HTT: variants seen among roughly 807,000 people sequenced by gnomAD.
The protein encoded by HTT is huntington disease protein.
In HTT, 104 loss-of-function variants were observed where a neutral mutation model predicts 362.3. That is an observed-to-expected ratio of 0.29 (90% CI 0.24 to 0.34). The LOEUF is 0.34. Among genes scored for constraint, HTT ranks in the 10% least tolerant of loss-of-function variants. The pLI, the probability that HTT is intolerant of heterozygous loss-of-function variation, is 1.00. For missense variants in HTT, 3,301 were observed against 3,928.6 expected (o/e 0.84, Z 4.27); for synonymous variants, 1,577 against 1,548.7 (o/e 1.02, Z -0.43).
rs143007582 is a variant in HTT, at chr4:3,155,768, C to T, written c.3626-1304C>T. ...AAAAAAAAAGCCGGGCATGGTGGCT[C>T]GCGCCAGTCGTCCCAGCTACTTGGG... is the stretch of plus-strand genomic sequence containing the variant. On this transcript the variant is annotated intron_variant, in intron 27 of 66. Coordinates refer to ENST00000355072, the MANE Select transcript of HTT (RefSeq NM_001388492.1). Among the ~76,000 whole-genome samples, 237 of 147,108 alleles carry T rather than the reference C, an allele frequency of 1.6e-3. 2 individuals carry two copies. The highest frequency in any genetic ancestry group is 3.0e-3 in the Admixed American group (45 of 14,832).
In HTT at chr4:3,233,079, A is replaced by T; in HGVS notation, c.8266-84A>T. The T allele has an allele frequency of 5.2e-6, 6 of 1,163,376 alleles. No individual in the cohort carries two copies. The South Asian group carries it at 8.4e-5, about 16-fold the overall frequency. 72.1% of individuals were successfully genotyped at this position (1,163,376 alleles called of 1,614,324 possible). ...CTCTTCTGCACACAAGCGTGAGGGC[A>T]GCGCCCCCGCCTCGGCTGTGGGGAG... On this transcript the variant is annotated intron_variant, in intron 60 of 66. Transcript: ENST00000355072.
chr4:3,212,186 G>T, intron 48 of HTT, 44 bp downstream of exon 48: 2 of 1,431,984 alleles, frequency 1.4e-6, no homozygotes, highest in South Asian at 1.2e-5. Context: ...AAGCATTCCA[G>T]GGCCAGTATA....
chr4:3,111,081 G>A (rs1411643029), intron 6 of HTT, among the ~76,000 whole-genome samples: 3 of 152,030 alleles, frequency 2.0e-5, no homozygotes, highest in Non-Finnish European at 2.9e-5. Context: ...GCAGTGGTGC[G>A]ATCATAGCTC....
At chr4:3,115,595 C>T (rs994885788) in intron 7 of HTT, 150 bp downstream of exon 7, 7 of 652,146 alleles carry the variant, frequency 1.1e-5, no homozygotes, top group Non-Finnish European at 1.8e-5. Context: ...CTGCTGTGAG[C>T]CCGCATGGGT....
Position 3,146,868 on chromosome 4 carries a change from C to A in HTT, c.3215C>A (p.Thr1072Asn). 6.2e-7 allele frequency: 1 copy of A among 1,614,104 alleles called. No individual in the cohort carries two copies. ...CTVGMATMILTLLSSAWFPLD... is the reference protein window; with the variant it reads ...CTVGMATMILNLLSSAWFPLD... ...GTTGGGATGGCCACAATGATTCTGA[C>A]CCTGCTCTCGTCAGCTTGGTTCCCA... Residue 1072 changes from threonine to asparagine, a missense_variant, in exon 25 of 67, where the codon ACC (threonine) becomes AAC (asparagine). Physicochemically the swap from Thr to Asn is moderately conservative, Grantham distance 65. This residue lies in a region of HTT where 2,316 missense variants were observed against 2,658.5 expected (regional missense o/e 0.87). Coordinates refer to ENST00000355072, the MANE Select transcript of HTT (RefSeq NM_001388492.1).
chr4:3,186,463 A>T, intron 37 of HTT, 134 bp from the exon 38 acceptor site: 1 of 964,812 alleles, frequency 1.0e-6, no homozygotes, highest in Non-Finnish European at 1.6e-6. Flanking sequence ...CACTGAACTT[A>T]AAATGCTTTT....
rs573478599 is a variant in HTT at position 3,229,991 on chromosome 4, C to T, written c.8214C>T (p.Leu2738=). Residue 2738 remains leucine (L), a synonymous_variant, in exon 60 of 67, where the codon CTC becomes CTT. Transcript: ENST00000355072. ...RRVHPSEDEI[L]AQYLVPATCK... ...TGCACCCTTCAGAAGACGAGATCCTCGCTCAGTACCTGGTGCCTGCCACCT... is the reference window on the plus strand; with the variant it reads ...TGCACCCTTCAGAAGACGAGATCCTTGCTCAGTACCTGGTGCCTGCCACCT... 3.1e-6 allele frequency: 5 copies of T among 1,614,016 alleles called. No homozygotes were observed. The highest frequency in any genetic ancestry group is 1.7e-5 in the Admixed American group (1 of 60,026).
intron 23 of HTT, among the ~76,000 whole-genome samples, chr4:3,143,855 G>A (rs1157449375): frequency 2.0e-5 from 3 of 151,916 alleles, no homozygotes; most frequent in Non-Finnish European, 4.4e-5. Context: ...CGCCCTCCTC[G>A]ACCCCCCAAA....
At chr4:3,129,678 C>T in intron 12 of HTT, 1 of 360,258 alleles carries the variant, frequency 2.8e-6, no homozygotes, top group East Asian at 4.7e-5. Flanking sequence ...AAGAAATGTC[C>T]ACATTGGAAT....
chr4:3,233,908 G>A (rs147422679), intron 61 of HTT, among the ~76,000 whole-genome samples: 56 of 152,292 alleles, frequency 3.7e-4, no homozygotes, highest in Middle Eastern at 3.4e-3. Context: ...TGGTCTCACC[G>A]CCACTCTTCC....
intron 59 of HTT, 143 bp downstream of exon 59, chr4:3,229,152 G>T (rs993721389): frequency 1.1e-5 from 8 of 745,982 alleles, no homozygotes; most frequent in Admixed American, 2.6e-5. Context: ...CAGGCCACAC[G>T]CACCATAGAC....
chr4:3,107,707 ACT>A (rs1201529525), intron 6 of HTT, among the ~76,000 whole-genome samples: 3 of 151,914 alleles, frequency 2.0e-5, no homozygotes, highest in Admixed American at 2.0e-4. Context: ...TACTAGAGTG[ACT>A]CTTTAACCTA....
intron 31 of HTT, 147 bp from the exon 32 acceptor site, chr4:3,174,574 C>A: frequency 1.6e-6 from 1 of 612,694 alleles, no homozygotes; most frequent in East Asian, 3.0e-5. Context: ...TGCTGCCACA[C>A]TGAGTGGCCT....
chr4:3,101,892 G>A (rs2110158055), intron 3 of HTT, among the ~76,000 whole-genome samples: 2 of 152,344 alleles, frequency 1.3e-5, no homozygotes, highest in South Asian at 4.1e-4. Context: ...CAGCCAGTAG[G>A]TGAAAGAGTA....
intron 8 of HTT, among the ~76,000 whole-genome samples, chr4:3,117,779 TC>T (rs1228430744): frequency 6.6e-6 from 1 of 152,102 alleles, no homozygotes; most frequent in Non-Finnish European, 1.5e-5. Context: ...GCTGCAGTGA[TC>T]CATGATTGTA....
Position 3,228,941 on chromosome 4 carries a change from C to T in HTT, c.8041C>T (p.Arg2681Cys), listed in dbSNP as rs547238016. 2.2e-5 allele frequency: 35 copies of T among 1,613,712 alleles called. No homozygotes were observed. Among genetic ancestry groups the T allele is most frequent in the East Asian group, 2.0e-4 (9 of 44,884 alleles). The part of the protein sequence containing the change: ...CSQFLLELYS[R>C]WILPSSSARR... ...GCAGTTTTTGCTTGAGTTGTACAGC[C>T]GCTGGATCCTGCCGTCCAGCTCAGC... is the stretch of plus-strand genomic sequence containing the variant. Residue 2681 changes from arginine to cysteine, a missense_variant, in exon 59 of 67, where the codon CGC (arginine) becomes TGC (cysteine). By Grantham distance (180) the Arg-to-Cys change is radical. This residue lies in a region of HTT where 753 missense variants were observed against 1,021.3 expected (regional missense o/e 0.74). Coordinates refer to ENST00000355072, the MANE Select transcript of HTT (RefSeq NM_001388492.1). This position sits in a 1 kb window ranked among gnomAD's most constrained non-coding sequence, Gnocchi z 4.3.
At chr4:3,131,438 T>C (rs369679390) in intron 15 of HTT, 41 bp downstream of exon 15, 12 of 1,535,428 alleles carry the variant, frequency 7.8e-6, no homozygotes, top group Non-Finnish European at 1.1e-5. Flanking sequence ...AGGAAATAAC[T>C]AGGTTTCAGA....
intron 3 of HTT, among the ~76,000 whole-genome samples, chr4:3,101,094 G>A (rs988175493): frequency 1.3e-5 from 2 of 152,208 alleles, no homozygotes; most frequent in Non-Finnish European, 2.9e-5. Context: ...GGCTATCCCA[G>A]GTTGCCTTGG....
intron 21 of HTT, among the ~76,000 whole-genome samples, chr4:3,139,289 C>T (rs114951057): frequency 9.8e-5 from 15 of 152,300 alleles, no homozygotes; most frequent in Admixed American, 2.0e-4. Flanking sequence ...CTATTGCCTC[C>T]TGGGTTCAAG....
Sources: gnomAD v4.1 joint callset for allele counts (sites outside exome capture counted in the v4.1 genomes callset) on GRCh38, gnomAD v4.1.1 for gene constraint, gnomAD v4.1.1 regional missense constraint, Gnocchi (gnomAD v3.1) non-coding constraint, MANE v1.5 for transcripts, NCBI Gene and HGNC (gene_info 2026-07-23, HGNC 2026-07-21) for gene names.